Variants in TOGARAM1 observed in about 807,000 individuals in gnomAD.
The protein encoded by TOGARAM1 is TOG array regulator of axonemal microtubules 1, also known as TOG array regulator of axonemal microtubules protein 1.
In TOGARAM1, 100 loss-of-function variants were observed where a neutral mutation model predicts 166.6. The ratio of observed to expected loss-of-function variants is 0.60; its 90% CI spans 0.51 to 0.71. The LOEUF is 0.71. TOGARAM1 is among the 30% of genes least tolerant of loss of function. TOGARAM1 has a pLI of 0.00. For synonymous variants in TOGARAM1, 758 were observed against 763.8 expected (o/e 0.99, Z 0.13); for missense variants, 2,029 against 2,102.7 (o/e 0.96, Z 0.69).
At chr14:44,974,209 T>G (rs1476997133) in intron 1 of TOGARAM1, among the ~76,000 whole-genome samples, 1 of 152,018 alleles carries the variant, frequency 6.6e-6, no homozygotes, top group Non-Finnish European at 1.5e-5. Context: ...TTTTCAGGCT[T>G]TTTTCTTTCA....
At chr14:45,058,143 A>T (rs1882728977) in intron 16 of TOGARAM1, among the ~76,000 whole-genome samples, 1 of 152,050 alleles carries the variant, frequency 6.6e-6, no homozygotes, top group African/African-American at 2.4e-5. Context: ...GTGCATATAT[A>T]TTTGGGATTG....
At chr14:45,031,977 T>G (rs1270346387) in intron 10 of TOGARAM1, among the ~76,000 whole-genome samples, 1 of 152,042 alleles carries the variant, frequency 6.6e-6, no homozygotes, top group Non-Finnish European at 1.5e-5. Context: ...TTGACCAACA[T>G]GATGAAACCC....
At chr14:44,996,508 C>T (rs1887419079) in intron 2 of TOGARAM1, 1 of 152,106 alleles carries the variant, frequency 6.6e-6, no homozygotes, top group African/African-American at 2.4e-5. Context: ...TATTTAAGGC[C>T]TAGTGGACTT....
intron 13 of TOGARAM1, among the ~76,000 whole-genome samples, chr14:45,045,656 C>CACACATATATATGTGTATATATAT (rs1692138558): frequency 1.1e-5 from 1 of 94,994 alleles, no homozygotes; most frequent in Non-Finnish European, 2.1e-5. Context: ...TACATATATA[C>CACACATATATATGTGTATATATAT]ACACATATAT....
Position 44,992,072 on chromosome 14 carries a change from T to TAAAAAAA in TOGARAM1, c.2047-3651_2047-3645dup, listed in dbSNP as rs71108676. 7.9e-5 allele frequency among the ~76,000 whole-genome samples: 3 copies of TAAAAAAA among 37,962 alleles called. 1 individual carries two copies. Among genetic ancestry groups the TAAAAAAA allele is most frequent in the African/African-American group, 1.7e-4 (2 of 11,838 alleles). 24.9% of individuals were successfully genotyped at this position (37,962 alleles called of 152,430 possible). A position where few individuals can be genotyped will look rare whatever the true frequency, so the allele number is the denominator to read the frequency against. ...GAGAACATAGTGAGACCCTGTCTGT[T>TAAAAAAA]AAAAAAAAAAAAAAAAAAAAAAAAA... On this transcript the variant is annotated intron_variant, in intron 1 of 19. Coordinates refer to ENST00000361462, the MANE Select transcript of TOGARAM1 (RefSeq NM_001308120.2).
chr14:45,000,588 T>G (rs1887650927), intron 3 of TOGARAM1, among the ~76,000 whole-genome samples: 1 of 152,194 alleles, frequency 6.6e-6, no homozygotes, highest in Admixed American at 6.5e-5. Flanking sequence ...CACATTTTCT[T>G]TATCTGTTCT....
Position 44,964,062 on chromosome 14 carries a change from C to T in TOGARAM1, c.1641C>T (p.Ser547=). Residue 547 remains serine (S), a synonymous_variant, in exon 1 of 20, where the codon AGC becomes AGT. Transcript: ENST00000361462. ...CATCAATGGGCTCAGGTAAAACCAG[C>T]ATCCTTTTTAAAGCTGTGGATACAG... ...LASSMGSGKT[S]ILFKAVDTVE... is the part of the protein sequence containing the mutation. 6.2e-7 allele frequency: 1 copy of T among 1,614,044 alleles called. No individual in the cohort carries two copies. Among genetic ancestry groups the T allele is most frequent in the Non-Finnish European group, 8.5e-7 (1 of 1,179,916 alleles).
At chr14:44,968,140 CA>C (rs538471664) in intron 1 of TOGARAM1, among the ~76,000 whole-genome samples, 59 of 151,896 alleles carry the variant, frequency 3.9e-4, no homozygotes, top group African/African-American at 1.2e-3. Context: ...ATTACTTGTT[CA>C]AAAAAGGTCT....
intron 16 of TOGARAM1, among the ~76,000 whole-genome samples, chr14:45,061,198 G>T (rs1260883266): frequency 2.6e-5 from 4 of 152,078 alleles, no homozygotes; most frequent in Admixed American, 2.0e-4. Context: ...ATTCTGTGGG[G>T]TATAATCAAT....
chr14:45,044,072 G>T (rs1043167769), intron 12 of TOGARAM1, among the ~76,000 whole-genome samples: 10 of 151,514 alleles, frequency 6.6e-5, no homozygotes, highest in African/African-American at 1.9e-4. Flanking sequence ...TGCAGTGGTG[G>T]GATCTCGGGT....
chr14:44,982,215 T>C (rs755700492), intron 1 of TOGARAM1, among the ~76,000 whole-genome samples: 2 of 152,174 alleles, frequency 1.3e-5, no homozygotes, highest in African/African-American at 2.4e-5. Context: ...TTATATAATA[T>C]CGTGGTGTGT....
chr14:45,033,193 C>T (rs949670295), intron 11 of TOGARAM1, among the ~76,000 whole-genome samples: 10 of 148,270 alleles, frequency 6.7e-5, no homozygotes, highest in South Asian at 2.1e-4. Context: ...GTGGAGGTTG[C>T]AGTGAGCTGA....
At chr14:45,010,777 A>T (rs1413302516) in intron 6 of TOGARAM1, among the ~76,000 whole-genome samples, 1 of 152,182 alleles carries the variant, frequency 6.6e-6, no homozygotes, top group Non-Finnish European at 1.5e-5. Flanking sequence ...CACTACTACT[A>T]CCTGATTTAA....
At chr14:45,024,681 AC>A (rs1880723391) in intron 7 of TOGARAM1, among the ~76,000 whole-genome samples, 1 of 152,184 alleles carries the variant, frequency 6.6e-6, no homozygotes, top group African/African-American at 2.4e-5. Context: ...TTTTGGGCTA[AC>A]CCGTGTTTCT....
chr14:45,036,089 C>T (rs1285563716), intron 11 of TOGARAM1, among the ~76,000 whole-genome samples: 2 of 142,674 alleles, frequency 1.4e-5, no homozygotes, highest in Admixed American at 7.1e-5. Flanking sequence ...GTGATTGTGC[C>T]ACTACACTGC....
intron 5 of TOGARAM1, among the ~76,000 whole-genome samples, chr14:45,008,404 G>T (rs550761467): frequency 6.6e-6 from 1 of 151,796 alleles, no homozygotes; most frequent in Non-Finnish European, 1.5e-5. Flanking sequence ...ATGCCCAGCT[G>T]CATTTCTAAA....
At chr14:44,988,112 G>A (rs1381453160) in intron 1 of TOGARAM1, among the ~76,000 whole-genome samples, 1 of 139,918 alleles carries the variant, frequency 7.1e-6, no homozygotes, top group African/African-American at 2.7e-5. Flanking sequence ...CTGTGAGGTG[G>A]GGGGAGGGGG....
At chr14:45,060,880 ATGGTGGTT>A (rs1882874186) in intron 16 of TOGARAM1, among the ~76,000 whole-genome samples, 1 of 152,186 alleles carries the variant, frequency 6.6e-6, no homozygotes, top group African/African-American at 2.4e-5. Context: ...TCATTAGCTT[ATGGTGGTT>A]TCTGCTAGGC....
Position 44,962,967 on chromosome 14 carries a change from T to C in TOGARAM1, c.546T>C (p.Pro182=). ...AGGCCTTTAGCTTAGCACTTTTGCCTCAACTAGTTGTCTCGTTACGGGAAG... is the reference window on the plus strand; with the variant it reads ...AGGCCTTTAGCTTAGCACTTTTGCCCCAACTAGTTGTCTCGTTACGGGAAG... The part of the protein sequence containing the change: ...LEEAFSLALL[P]QLVVSLREEN... The change falls in exon 1 of 20, where the codon CCT becomes CCC. Residue 182 remains proline, a synonymous_variant. Transcript: ENST00000361462. 1 of 1,614,164 alleles carries C rather than the reference T, an allele frequency of 6.2e-7. No homozygotes were observed. The highest frequency in any genetic ancestry group is 8.5e-7 in the Non-Finnish European group (1 of 1,180,042).
Sources: allele counts gnomAD v4.1 joint callset (sites outside exome capture counted in the v4.1 genomes callset), GRCh38; gene constraint gnomAD v4.1.1; transcripts MANE v1.5; gene names NCBI Gene and HGNC (gene_info 2026-07-23, HGNC 2026-07-21).